DMD: variants seen among roughly 807,000 people sequenced by gnomAD.
DMD encodes dystrophin, also known as mutant dystrophin.
A neutral mutation model predicts 330.1 loss-of-function variants in DMD; 63 were observed. That is an observed-to-expected ratio of 0.19 (90% CI 0.16 to 0.24). DMD has a LOEUF of 0.24. DMD is among the 10% of genes least tolerant of loss of function. DMD has a pLI of 1.00. For synonymous variants in DMD, 1,223 were observed against 959.8 expected (o/e 1.27, Z -5.07); for missense variants, 3,344 against 2,684.1 (o/e 1.25, Z -5.43).
At chrX:32,994,676 C>T (rs79865094) in intron 2 of DMD, among the ~76,000 whole-genome samples, 3,065 of 111,195 alleles carry the variant, frequency 0.028, 73 homozygotes, top group East Asian at 0.18. Flanking sequence ...TACATTCCCA[C>T]CAAGAGTAGA....
intron 1 of DMD, among the ~76,000 whole-genome samples, chrX:33,290,918 A>G (rs2053501893): frequency 9.0e-6 from 1 of 111,688 alleles, no homozygotes; most frequent in Admixed American, 9.6e-5. Context: ...TATTCTCAAC[A>G]TATATGTATT....
intron 4 of DMD, among the ~76,000 whole-genome samples, chrX:32,833,810 G>C (rs903026627): frequency 4.6e-5 from 5 of 108,862 alleles, no homozygotes; most frequent in African/African-American, 1.7e-4. Context: ...TATCCCAGCA[G>C]ACCTCCATAT....
At chrX:32,764,772 C>G (rs916283510) in intron 7 of DMD, among the ~76,000 whole-genome samples, 1 of 111,308 alleles carries the variant, frequency 9.0e-6, no homozygotes, top group Non-Finnish European at 1.9e-5. Flanking sequence ...TTTTGAAGGT[C>G]CTTTTTTCAA....
chrX:33,143,395 G>A (rs944904569), intron 1 of DMD, among the ~76,000 whole-genome samples: 7 of 110,922 alleles, frequency 6.3e-5, no homozygotes, highest in Non-Finnish European at 1.1e-4. Context: ...AGGCAATTGA[G>A]TCTTAGAAAG....
In DMD at chrX:32,660,044, T is replaced by C. The variant is rs2060844193; in HGVS notation, c.961-14892A>G. 3.6e-5 allele frequency among the ~76,000 whole-genome samples: 4 copies of C among 111,300 alleles called. No homozygotes were observed. The Middle Eastern group carries it at 0.014, about 386-fold the overall frequency. ...AGTGGAAAGTTCTTCAATTTTATCATTGGCTCCTAATAGGAGTAATCATGC... is the reference window on the plus strand; with the variant it reads ...AGTGGAAAGTTCTTCAATTTTATCACTGGCTCCTAATAGGAGTAATCATGC... On this transcript the variant is annotated intron_variant, in intron 9 of 78. Transcript: ENST00000357033.
In DMD at chrX:33,107,117, G is replaced by A. The variant is rs995466125; in HGVS notation, c.32-86917C>T. 2.6e-4 allele frequency among the ~76,000 whole-genome samples: 29 copies of A among 111,904 alleles called. No homozygotes were observed. In the Admixed American group the frequency reaches 2.7e-3, roughly 10 times the overall value. On this transcript the variant is annotated intron_variant, in intron 1 of 78. Transcript: ENST00000357033. ...ACCTGAGGTCAGGAGTTCAAGACCA[G>A]CCTGGCCAACATGGTGAAACCCCGT...
At chrX:32,540,788 G>T (rs2148934247) in intron 17 of DMD, among the ~76,000 whole-genome samples, 1 of 111,803 alleles carries the variant, frequency 8.9e-6, no homozygotes, top group Admixed American at 9.5e-5. Flanking sequence ...TAATTTACTG[G>T]CTGAAGTGGA....
intron 59 of DMD, among the ~76,000 whole-genome samples, chrX:31,474,401 T>C (rs1035924513): frequency 9.9e-5 from 11 of 110,555 alleles, no homozygotes; most frequent in African/African-American, 3.6e-4. Context: ...TGAACTGATA[T>C]GGATATATAA....
chrX:32,886,004 T>C, intron 2 of DMD, among the ~76,000 whole-genome samples: 1 of 110,806 alleles, frequency 9.0e-6, no homozygotes, highest in East Asian at 2.8e-4. Flanking sequence ...AAACTGAATA[T>C]GAAATAAATT....
chrX:32,738,707 G>T (rs1487899465), intron 7 of DMD, among the ~76,000 whole-genome samples: 1 of 111,697 alleles, frequency 9.0e-6, no homozygotes, highest in Non-Finnish European at 1.9e-5. Context: ...CTGCAGAACA[G>T]AATTGGAGAA....
intron 55 of DMD, among the ~76,000 whole-genome samples, 192 bp downstream of exon 55, chrX:31,627,481 G>T (rs766514774): frequency 5.4e-4 from 60 of 111,991 alleles, no homozygotes; most frequent in Middle Eastern, 9.2e-3. Context: ...TAAGACGAGG[G>T]TGTTAAGTGG....
chrX:31,262,643 A>C (rs968072404), intron 62 of DMD, among the ~76,000 whole-genome samples: 6 of 112,760 alleles, frequency 5.3e-5, no homozygotes, highest in Non-Finnish European at 9.4e-5. Context: ...TGAGGACTAT[A>C]ACAAGGGCTT....
At chrX:33,122,150 T>C (rs914206716) in intron 1 of DMD, among the ~76,000 whole-genome samples, 4 of 111,830 alleles carry the variant, frequency 3.6e-5, no homozygotes, top group African/African-American at 1.3e-4. Flanking sequence ...TGCTTGAGCC[T>C]GGAGGTGGAG....
chrX:31,368,712 C>A (rs1009768491), intron 60 of DMD, among the ~76,000 whole-genome samples: 1 of 109,588 alleles, frequency 9.1e-6, no homozygotes, highest in African/African-American at 3.3e-5. Flanking sequence ...GTGGTGCAAT[C>A]TCGGCTCAGT....
intron 9 of DMD, among the ~76,000 whole-genome samples, chrX:32,666,526 A>C (rs968794589): frequency 1.8e-5 from 2 of 111,034 alleles, no homozygotes; most frequent in Non-Finnish European, 3.8e-5. Context: ...GTCCCTGCAA[A>C]GGACAAGAAC....
At chrX:33,278,829 A>G (rs2148919370) in intron 1 of DMD, among the ~76,000 whole-genome samples, 1 of 111,942 alleles carries the variant, frequency 8.9e-6, no homozygotes, top group East Asian at 2.8e-4. Flanking sequence ...AAAGAAGGTC[A>G]CTACATAATG....
chrX:31,514,892 A>T (rs1406435892), intron 55 of DMD, among the ~76,000 whole-genome samples: 2 of 111,662 alleles, frequency 1.8e-5, no homozygotes, highest in Non-Finnish European at 3.8e-5. Context: ...GGGACAATGA[A>T]TTGCACAACC....
intron 4 of DMD, among the ~76,000 whole-genome samples, chrX:32,840,403 T>A (rs1293265055): frequency 9.0e-6 from 1 of 111,699 alleles, no homozygotes; most frequent in Non-Finnish European, 1.9e-5. Context: ...ATATGGCCCG[T>A]GGAGTTTCGG....
intron 9 of DMD, among the ~76,000 whole-genome samples, chrX:32,661,144 TATA>T (rs2060916666): frequency 9.0e-6 from 1 of 111,529 alleles, no homozygotes; most frequent in African/African-American, 3.3e-5. Flanking sequence ...GAAGAGACAT[TATA>T]ATATGTCCTT....
Sources: allele counts gnomAD v4.1 joint callset (sites outside exome capture counted in the v4.1 genomes callset), GRCh38; gene constraint gnomAD v4.1.1; transcripts MANE v1.5; gene names NCBI Gene and HGNC (gene_info 2026-07-23, HGNC 2026-07-21).